CSGALNACT1: variants seen among roughly 807,000 people sequenced by gnomAD.
CSGALNACT1 encodes chondroitin sulfate N-acetylgalactosaminyltransferase 1.
CSGALNACT1 carries 52 observed loss-of-function variants against 51.0 expected under a neutral mutation model. The observed-to-expected ratio is 1.02, with a 90% CI of 0.82 to 1.29. The LOEUF is 1.29. CSGALNACT1 is among the 50% of genes most tolerant of loss of function. The probability of loss-of-function intolerance (pLI) is 0.00; values close to 1 mark genes in which losing one functional copy is unlikely to be tolerated. For missense variants in CSGALNACT1, 935 were observed against 679.2 expected (o/e 1.38, Z -4.19); for synonymous variants, 341 against 254.4 (o/e 1.34, Z -3.24).
chr8:19,703,919 A>G (rs751527509), intron 1 of CSGALNACT1, among the ~76,000 whole-genome samples: 2 of 152,154 alleles, frequency 1.3e-5, no homozygotes, highest in Non-Finnish European at 2.9e-5. Flanking sequence ...AGCCTCTTAC[A>G]TAGTACGGGT....
chr8:19,752,452 C>T (rs554316618), intron 1 of CSGALNACT1, among the ~76,000 whole-genome samples: 3 of 152,194 alleles, frequency 2.0e-5, no homozygotes, highest in South Asian at 2.1e-4. Context: ...TTGACTGATG[C>T]GTTAACTTTA....
chr8:19,676,028 G>A (rs540780624), intron 1 of CSGALNACT1, among the ~76,000 whole-genome samples: 2 of 144,342 alleles, frequency 1.4e-5, no homozygotes, highest in South Asian at 2.2e-4. Context: ...AATAGAGATC[G>A]AGACAGAACT....
chr8:19,503,163 A>G (rs2076700897), intron 4 of CSGALNACT1, among the ~76,000 whole-genome samples: 1 of 152,256 alleles, frequency 6.6e-6, no homozygotes. Flanking sequence ...CTATAAATAT[A>G]TTTAAAGTAT....
chr8:19,583,836 GAAT>G (rs1158861268), intron 3 of CSGALNACT1, among the ~76,000 whole-genome samples: 1 of 152,180 alleles, frequency 6.6e-6, no homozygotes, highest in African/African-American at 2.4e-5. Context: ...TGAGCAATTA[GAAT>G]AATATTTCAA....
chr8:19,610,779 T>C (rs192033802), intron 1 of CSGALNACT1, among the ~76,000 whole-genome samples: 1 of 152,332 alleles, frequency 6.6e-6, no homozygotes, highest in Admixed American at 6.5e-5. Context: ...GATCTGATTC[T>C]TCCTGTACAC....
chr8:19,454,092 C>T (rs1244222861), intron 5 of CSGALNACT1, among the ~76,000 whole-genome samples: 3 of 152,196 alleles, frequency 2.0e-5, no homozygotes, highest in Non-Finnish European at 2.9e-5. Flanking sequence ...TCATTTAATG[C>T]CAGAATATCT....
At chr8:19,721,776 G>A (rs905198979) in intron 1 of CSGALNACT1, among the ~76,000 whole-genome samples, 6 of 152,276 alleles carry the variant, frequency 3.9e-5, no homozygotes, top group Admixed American at 1.3e-4. Context: ...TGAACTGCAC[G>A]ATATATGCAA....
intron 4 of CSGALNACT1, among the ~76,000 whole-genome samples, chr8:19,459,336 TTG>T (rs1478186382): frequency 6.7e-6 from 1 of 148,748 alleles, no homozygotes; most frequent in African/African-American, 2.5e-5. Flanking sequence ...TGAGCCAAGT[TTG>T]TACCACTTCA....
intron 3 of CSGALNACT1, among the ~76,000 whole-genome samples, chr8:19,584,393 A>T (rs1392392221): frequency 6.6e-6 from 1 of 151,638 alleles, no homozygotes; most frequent in Non-Finnish European, 1.5e-5. Context: ...CTGGGCTGAA[A>T]TATTTTTTTT....
At chr8:19,723,824 C>T (rs990042162) in intron 1 of CSGALNACT1, among the ~76,000 whole-genome samples, 2 of 152,126 alleles carry the variant, frequency 1.3e-5, no homozygotes, top group African/African-American at 4.8e-5. Context: ...AGTCCTGGTC[C>T]CAAATTCAAA....
chr8:19,723,206 C>T (rs2063219206), intron 1 of CSGALNACT1, among the ~76,000 whole-genome samples: 1 of 152,198 alleles, frequency 6.6e-6, no homozygotes, highest in East Asian at 1.9e-4. Flanking sequence ...GTCTTATTTC[C>T]CTTATTTTCA....
chr8:19,405,779 T>G, exon 10 of CSGALNACT1: 1 of 1,614,006 alleles, frequency 6.2e-7, no homozygotes, highest in South Asian at 1.1e-5. Flanking sequence ...TCTCTGGGAG[T>G]TCATGTTTTT....
intron 1 of CSGALNACT1, among the ~76,000 whole-genome samples, chr8:19,741,619 G>T (rs1294721842): frequency 1.3e-5 from 2 of 150,942 alleles, no homozygotes; most frequent in African/African-American, 4.9e-5. Context: ...TGATCCTGCT[G>T]GCAGTCTACT....
chr8:19,665,822 C>A (rs980968329), intron 1 of CSGALNACT1, among the ~76,000 whole-genome samples: 2 of 152,196 alleles, frequency 1.3e-5, no homozygotes, highest in Non-Finnish European at 2.9e-5. Context: ...ATGTGTTCTT[C>A]GCTACGTAAA....
chr8:19,435,892 A>AC (rs2060298304), intron 6 of CSGALNACT1, among the ~76,000 whole-genome samples: 1 of 152,192 alleles, frequency 6.6e-6, no homozygotes, highest in Non-Finnish European at 1.5e-5. Flanking sequence ...ACACACACAC[A>AC]CGCACACACA....
At chr8:19,551,588 T>G (rs968268422) in intron 3 of CSGALNACT1, among the ~76,000 whole-genome samples, 1 of 152,210 alleles carries the variant, frequency 6.6e-6, no homozygotes, top group South Asian at 2.1e-4. Context: ...TGCAAGCAAA[T>G]AGATCCAGTC....
intron 3 of CSGALNACT1, among the ~76,000 whole-genome samples, chr8:19,573,358 C>G (rs959990064): frequency 6.6e-6 from 1 of 152,158 alleles, no homozygotes; most frequent in Non-Finnish European, 1.5e-5. Context: ...TGGCCTTCCT[C>G]GGCACTGGAT....
At chr8:19,660,685 T>C (rs1438317913) in intron 1 of CSGALNACT1, among the ~76,000 whole-genome samples, 2 of 152,140 alleles carry the variant, frequency 1.3e-5, no homozygotes, top group African/African-American at 4.8e-5. Flanking sequence ...AAAGCTCCAG[T>C]TGTTACAGGC....
chr8:19,645,188 T>C (rs1287618381), intron 1 of CSGALNACT1, among the ~76,000 whole-genome samples: 1 of 152,234 alleles, frequency 6.6e-6, no homozygotes, highest in Non-Finnish European at 1.5e-5. Context: ...AGTTATTTGA[T>C]TCTAATACAA....
Sources: allele counts gnomAD v4.1 joint callset (sites outside exome capture counted in the v4.1 genomes callset), GRCh38; gene constraint gnomAD v4.1.1; transcripts MANE v1.5; gene names NCBI Gene and HGNC (gene_info 2026-07-23, HGNC 2026-07-21).